The following TRIM22 variants were observed in gnomAD, a reference collection of about 807,000 sequenced individuals.
TRIM22 encodes the protein tripartite motif containing 22.
TRIM22 carries 45 observed loss-of-function variants against 53.6 expected under a neutral mutation model. The ratio of observed to expected loss-of-function variants is 0.84; its 90% CI spans 0.66 to 1.08. The LOEUF is 1.08. TRIM22 is among the 50% of genes least tolerant of loss of function. The pLI, the probability that TRIM22 is intolerant of heterozygous loss-of-function variation, is 0.00. For synonymous variants in TRIM22, 225 were observed against 216.6 expected (o/e 1.04, Z -0.34); for missense variants, 616 against 590.9 (o/e 1.04, Z -0.44).
At chr11:5,691,895 T>C (rs1853178724) in intron 1 of TRIM22, among the ~76,000 whole-genome samples, 2 of 152,210 alleles carry the variant, frequency 1.3e-5, no homozygotes, top group Admixed American at 6.6e-5. Context: ...TCAAGGTCCA[T>C]ATCTAGTATT....
chr11:5,698,064 G>T, intron 3 of TRIM22: 1 of 431,516 alleles, frequency 2.3e-6, no homozygotes, highest in Non-Finnish European at 4.3e-6. Flanking sequence ...TACAATCCAA[G>T]CCTCACCCAG....
chr11:5,699,796 C>G (rs1263603838), intron 4 of TRIM22, among the ~76,000 whole-genome samples: 1 of 141,050 alleles, frequency 7.1e-6, no homozygotes, highest in East Asian at 2.1e-4. Context: ...TTTTGATTTG[C>G]TTTTTCCTAA....
Position 5,697,318 on chromosome 11 carries a change from T to A in TRIM22, c.494T>A (p.Ile165Asn). The change falls in exon 3 of 8, where the codon ATC (isoleucine) becomes AAC (asparagine). Residue 165 changes from isoleucine (I) to asparagine (N), a missense_variant. Coordinates refer to ENST00000379965, the MANE Select transcript of TRIM22 (RefSeq NM_006074.5). Reference sequence around the variant, plus strand: ...GAGGCTGAGAAGCTGGAAGATGACATCAGACAAGAGAGAACCGCCTGGAAG... The same window carrying A: ...GAGGCTGAGAAGCTGGAAGATGACAACAGACAAGAGAGAACCGCCTGGAAG... Reference protein sequence around the residue: ...DQEAEKLEDDIRQERTAWKNY... With the variant: ...DQEAEKLEDDNRQERTAWKNY... 1.9e-6 allele frequency: 3 copies of A among 1,613,624 alleles called. No homozygotes were observed. Among genetic ancestry groups the A allele is most frequent in the Non-Finnish European group, 2.5e-6 (3 of 1,179,784 alleles).
At chr11:5,697,722 G>T in intron 3 of TRIM22, 1 of 174,396 alleles carries the variant, frequency 5.7e-6, no homozygotes, top group Non-Finnish European at 1.2e-5. Context: ...TTTGTTTTTT[G>T]AGACAGAGTC....
intron 4 of TRIM22, among the ~76,000 whole-genome samples, chr11:5,700,551 C>T (rs965033567): frequency 7.7e-6 from 1 of 130,516 alleles, no homozygotes; most frequent in African/African-American, 2.9e-5. Context: ...TACTCAGTCT[C>T]TCACTTATAA....
Position 5,708,277 on chromosome 11 carries a change from A to C in TRIM22, c.874+4A>C, listed in dbSNP as rs1266413148. 2 of 1,607,972 alleles carry C rather than the reference A, an allele frequency of 1.2e-6. No homozygotes were observed. Among genetic ancestry groups the C allele is most frequent in the Non-Finnish European group, 8.5e-7 (1 of 1,174,432 alleles). ...GGGATGCTGCAAGTTCTTAAAGGTA[A>C]GGGGATTCAGGGGAAGGCTGTGAAT... is the stretch of plus-strand genomic sequence containing the variant. On this transcript the variant is annotated splice_donor_region_variant and intron_variant, in intron 6 of 7. Coordinates refer to ENST00000379965, the MANE Select transcript of TRIM22 (RefSeq NM_006074.5).
At chr11:5,699,540 A>ACG (rs1853331481) in intron 4 of TRIM22, among the ~76,000 whole-genome samples, 2 of 127,004 alleles carry the variant, frequency 1.6e-5, no homozygotes, top group Admixed American at 1.5e-4. Flanking sequence ...CAAAAAAAAA[A>ACG]AAAAAAAAAA....
chr11:5,703,127 T>C (rs1351090809), intron 4 of TRIM22, among the ~76,000 whole-genome samples: 2 of 152,206 alleles, frequency 1.3e-5, no homozygotes, highest in African/African-American at 4.8e-5. Context: ...TGCTGAGGTT[T>C]GGGATACAGA....
In TRIM22 at chr11:5,698,647, C is replaced by T; in HGVS notation, c.750+102C>T. 6 of 981,034 alleles carry T rather than the reference C, an allele frequency of 6.1e-6. No homozygotes were observed. In the South Asian group the frequency reaches 9.6e-5, roughly 16 times the overall value. The allele number at this position is 981,034 out of a possible 1,614,324, so 60.8% of individuals were successfully genotyped here. A position where few individuals can be genotyped will look rare whatever the true frequency, so the allele number is the denominator to read the frequency against. ...CTCTAGGCTTTCTTCTGTGTGGTGA[C>T]ATGAAATGGTTCCTTTGGCCCGGCA... is the stretch of plus-strand genomic sequence containing the variant. On this transcript the variant is annotated intron_variant, in intron 4 of 7. Transcript: ENST00000379965.
chr11:5,706,602 T>C lies in TRIM22; in HGVS notation c.759T>C (p.Ile253=), dbSNP rs1564943576. The C allele has an allele frequency of 6.2e-7, 1 of 1,612,830 alleles. No homozygotes were observed. Among genetic ancestry groups the C allele is most frequent in the East Asian group, 2.2e-5 (1 of 44,826 alleles). The stretch of plus-strand genomic sequence containing the variant: ...TTCTATCTTTTCCCCAGGATGTGAT[T>C]GACGTCATGAAAAGGTATATGTGGA... ...GSSVEMLQDV[I]DVMKRSESWT... Residue 253 remains isoleucine, a synonymous_variant, in exon 5 of 8, where the codon ATT becomes ATC. Coordinates refer to ENST00000379965, the MANE Select transcript of TRIM22 (RefSeq NM_006074.5).
intron 4 of TRIM22, among the ~76,000 whole-genome samples, chr11:5,705,260 G>T (rs1009445049): frequency 1.3e-5 from 2 of 152,090 alleles, no homozygotes; most frequent in Non-Finnish European, 2.9e-5. Flanking sequence ...AGTAAAAAGA[G>T]CCGTTGTCTT....
At chr11:5,693,738 A>AAAAT (rs1472952943) in intron 1 of TRIM22, among the ~76,000 whole-genome samples, 4 of 151,750 alleles carry the variant, frequency 2.6e-5, no homozygotes, top group Non-Finnish European at 5.9e-5. Context: ...AAAAAAAAAA[A>AAAAT]AAAAAGAATG....
intron 1 of TRIM22, among the ~76,000 whole-genome samples, chr11:5,690,700 T>C (rs1564938148): frequency 6.6e-6 from 1 of 152,340 alleles, no homozygotes; most frequent in Non-Finnish European, 1.5e-5. Flanking sequence ...TTCTGTCATT[T>C]TGATTTTTCC....
chr11:5,708,606 A>ACAT lies in TRIM22; in HGVS notation c.901+3_901+4insCAT. ...GACAGATGTCCAGTACTACTGGGGT[A>ACAT]AGATGATATGGGGTTTTCAAATCAC... On this transcript the variant is annotated splice_donor_region_variant and intron_variant, in intron 7 of 7. Coordinates refer to ENST00000379965, the MANE Select transcript of TRIM22 (RefSeq NM_006074.5). The ACAT allele has an allele frequency of 6.2e-7, 1 of 1,607,310 alleles. No individual in the cohort carries two copies. The highest frequency in any genetic ancestry group is 8.5e-7 in the Non-Finnish European group (1 of 1,177,932).
chr11:5,691,350 C>A (rs1453949164), intron 1 of TRIM22, among the ~76,000 whole-genome samples: 1 of 152,118 alleles, frequency 6.6e-6, no homozygotes, highest in Non-Finnish European at 1.5e-5. Context: ...CTGGGGGCTG[C>A]ATACACCGGT....
In TRIM22 at chr11:5,698,496, T is replaced by A. The variant is rs374292901; in HGVS notation, c.701T>A (p.Ile234Asn). The A allele has an allele frequency of 9.3e-6, 15 of 1,613,848 alleles. No individual in the cohort carries two copies. In the African/African-American group the frequency reaches 1.9e-4, roughly 20 times the overall value. ...VQQRQDASTL[I>N]SDLQRRLRGS... The stretch of plus-strand genomic sequence containing the variant: ...CAGAGGCAGGATGCCAGCACGCTCA[T>A]CTCAGATCTCCAGCGGAGGTTGAGG... Residue 234 changes from isoleucine (I) to asparagine (N), a missense_variant, in exon 4 of 8, where the codon ATC (isoleucine) becomes AAC (asparagine). Ile to Asn is a moderately radical substitution (Grantham distance 149). Coordinates refer to ENST00000379965, the MANE Select transcript of TRIM22 (RefSeq NM_006074.5).
intron 4 of TRIM22, among the ~76,000 whole-genome samples, chr11:5,701,809 C>G (rs1442412083): frequency 6.6e-6 from 1 of 152,090 alleles, no homozygotes; most frequent in East Asian, 1.9e-4. Context: ...TGAACCTAGC[C>G]TCAAGAACTG....
chr11:5,698,122 G>A, intron 3 of TRIM22, 193 bp from the exon 4 acceptor site: 2 of 565,852 alleles, frequency 3.5e-6, no homozygotes, highest in Admixed American at 3.1e-5. Context: ...TGACTTGAGT[G>A]TATTGCTTTG....
intron 4 of TRIM22, among the ~76,000 whole-genome samples, chr11:5,700,990 T>C (rs1471687182): frequency 6.6e-6 from 1 of 152,190 alleles, no homozygotes; most frequent in Non-Finnish European, 1.5e-5. Flanking sequence ...TCTTTATTGA[T>C]ATGGGAGATT....
Sources: allele counts gnomAD v4.1 joint callset (sites outside exome capture counted in the v4.1 genomes callset), GRCh38; gene constraint gnomAD v4.1.1; transcripts MANE v1.5; gene names NCBI Gene and HGNC (gene_info 2026-07-23, HGNC 2026-07-21).